Variants in LPP observed in about 807,000 individuals in gnomAD.
LPP encodes the protein lipoma-preferred partner.
In LPP, 38 loss-of-function variants were observed where a neutral mutation model predicts 60.4. The observed-to-expected ratio is 0.63, with a 90% confidence interval of 0.49 to 0.83. The LOEUF is 0.83. LPP is among the 40% of genes least tolerant of loss of function. LPP has a pLI of 0.00. For missense variants in LPP, 902 were observed against 783.6 expected, an observed-to-expected ratio of 1.15 and a Z score of -1.80; for synonymous variants, 328 against 290.8, an observed-to-expected ratio of 1.13 and a Z score of -1.30.
Position 188,352,660 on chromosome 3 carries a change from G to C in LPP, c.-10+10941G>C, listed in dbSNP as rs765588576. 2.6e-5 allele frequency among the ~76,000 whole-genome samples: 4 copies of C among 151,704 alleles called. No individual in the cohort carries two copies. Among genetic ancestry groups the C allele is most frequent in the Non-Finnish European group, 5.9e-5 (4 of 67,990 alleles). ...ACAGAGTGCATAGAGAGAAGGCTGG[G>C]AGAGGAGGTCAGGTCTTGTTTCCCT... On this transcript the variant is annotated intron_variant, in intron 3 of 11. Transcript: ENST00000617246. This position sits in a 1 kb window ranked among gnomAD's most constrained non-coding sequence, Gnocchi z 4.4.
In LPP at chr3:188,702,286, G is replaced by A. The variant is rs557823735; in HGVS notation, c.1114-5981G>A. The stretch of plus-strand genomic sequence containing the variant: ...TCTTAACAGTTTTTTAGATATACAT[G>A]TTCCTCCTGAAATGCCTTTAACTTT... On this transcript the variant is annotated intron_variant, in intron 7 of 11. Coordinates refer to ENST00000617246, the MANE Select transcript of LPP (RefSeq NM_001375462.1). Among the ~76,000 whole-genome samples, 41 of 150,584 alleles carry A rather than the reference G, an allele frequency of 2.7e-4. 1 individual carries two copies. In the South Asian group the frequency reaches 8.4e-3, roughly 31 times the overall value.
chr3:188,761,296 C>G (rs1298676000), intron 9 of LPP, among the ~76,000 whole-genome samples: 1 of 152,166 alleles, frequency 6.6e-6, no homozygotes. Context: ...TGGTATTTTC[C>G]TATAACTTGG....
chr3:188,242,270 T>C (rs541918948), intron 2 of LPP, among the ~76,000 whole-genome samples: 1 of 152,278 alleles, frequency 6.6e-6, no homozygotes, highest in African/African-American at 2.4e-5. Flanking sequence ...TTCTAACTTA[T>C]AGGTAAAAGC....
Position 188,811,062 on chromosome 3 carries a change from C to T in LPP, c.1410+50780C>T, listed in dbSNP as rs114875079. On this transcript the variant is annotated intron_variant, in intron 9 of 11. Coordinates refer to ENST00000617246, the MANE Select transcript of LPP (RefSeq NM_001375462.1). ...TTCATTAATTGTAGGAGAATACATACGACACACACACATGTATGAGTTATA... is the reference window on the plus strand; with the variant it reads ...TTCATTAATTGTAGGAGAATACATATGACACACACACATGTATGAGTTATA... Among the ~76,000 whole-genome samples, 890 of 151,828 alleles carry T rather than the reference C, an allele frequency of 5.9e-3. 3 individuals are homozygous for T. Among genetic ancestry groups the T allele is most frequent in the South Asian group, 0.018 (86 of 4,810 alleles).
chr3:188,240,735 G>C (rs1320257454), intron 2 of LPP, among the ~76,000 whole-genome samples: 1 of 152,228 alleles, frequency 6.6e-6, no homozygotes, highest in Middle Eastern at 3.4e-3. Flanking sequence ...CCTCAGACAT[G>C]GTTTTGGTGG....
intron 1 of LPP, among the ~76,000 whole-genome samples, chr3:188,206,958 C>T (rs1379369019): frequency 1.3e-5 from 2 of 152,088 alleles, no homozygotes; most frequent in Non-Finnish European, 1.5e-5. Flanking sequence ...TCATTGTTAT[C>T]GTTGTTATGA....
intron 8 of LPP, among the ~76,000 whole-genome samples, chr3:188,743,101 CT>C (rs1725010310): frequency 6.6e-6 from 1 of 152,130 alleles, no homozygotes; most frequent in African/African-American, 2.4e-5. Flanking sequence ...TTAAAGTTTG[CT>C]GAACCATACC....
chr3:188,285,776 A>G lies in LPP; in HGVS notation c.-66-55887A>G, dbSNP rs373130838. ...CTCCCACAACCCCCAACAGCTGTGC[A>G]TTAAGTATCACTTTGGTTTGAGGAT... On this transcript the variant is annotated intron_variant, in intron 2 of 11. Transcript: ENST00000617246. Among the ~76,000 whole-genome samples, 90 of 152,284 alleles carry G rather than the reference A, an allele frequency of 5.9e-4. No individual in the cohort carries two copies. In the South Asian group the frequency reaches 9.9e-3, roughly 17 times the overall value.
chr3:188,443,074 A>G (rs754510325), intron 4 of LPP, among the ~76,000 whole-genome samples: 2 of 152,212 alleles, frequency 1.3e-5, no homozygotes, highest in Admixed American at 6.5e-5. Flanking sequence ...TGAAGGGATC[A>G]TTGTGATCTT....
intron 5 of LPP, among the ~76,000 whole-genome samples, chr3:188,485,324 C>T (rs149701681): frequency 1.5e-3 from 222 of 152,222 alleles, no homozygotes; most frequent in African/African-American, 5.0e-3. Flanking sequence ...CTGTGATCAT[C>T]GGTAACTGCC....
intron 4 of LPP, among the ~76,000 whole-genome samples, chr3:188,441,739 G>A (rs541192794): frequency 1.2e-4 from 18 of 146,182 alleles, no homozygotes; most frequent in African/African-American, 4.5e-4. Context: ...TCCCACCTCA[G>A]CCTCCTGAGT....
intron 3 of LPP, among the ~76,000 whole-genome samples, chr3:188,366,199 C>A (rs76211316): frequency 2.0e-5 from 3 of 152,186 alleles, no homozygotes; most frequent in Admixed American, 1.3e-4. Context: ...TCCATCTTCT[C>A]GTAAATGACA....
intron 6 of LPP, among the ~76,000 whole-genome samples, chr3:188,607,418 A>AT (rs774045050): frequency 0.055 from 2,086 of 38,096 alleles, 78 homozygotes; most frequent in Non-Finnish European, 0.11. Flanking sequence ...TATATATATA[A>AT]TTTTTTTTTC....
At chr3:188,535,729 A>T (rs1185621843) in intron 6 of LPP, among the ~76,000 whole-genome samples, 1 of 152,190 alleles carries the variant, frequency 6.6e-6, no homozygotes, top group Non-Finnish European at 1.5e-5. Context: ...TGTTAAGAAG[A>T]TGATGTTATC....
At chr3:188,639,195 C>T (rs1266651025) in intron 7 of LPP, among the ~76,000 whole-genome samples, 1 of 152,082 alleles carries the variant, frequency 6.6e-6, no homozygotes, top group Admixed American at 6.5e-5. Flanking sequence ...AGAACAGAGT[C>T]CTCAGAAATA....
chr3:188,550,004 A>G (rs187802900), intron 6 of LPP, among the ~76,000 whole-genome samples: 167 of 152,256 alleles, frequency 1.1e-3, no homozygotes, highest in African/African-American at 3.9e-3. Context: ...CAATTTGCAC[A>G]CTTGTCATGA....
chr3:188,430,670 A>T (rs554119136), intron 4 of LPP, among the ~76,000 whole-genome samples: 1 of 152,316 alleles, frequency 6.6e-6, no homozygotes, highest in South Asian at 2.1e-4. Flanking sequence ...AGACATCTGG[A>T]GAAGCAGCAC....
intron 4 of LPP, among the ~76,000 whole-genome samples, chr3:188,414,724 G>A (rs910975411): frequency 4.6e-5 from 7 of 152,134 alleles, no homozygotes; most frequent in Non-Finnish European, 1.0e-4. Context: ...TTGCCCAGGA[G>A]TGCTGTAAAT....
chr3:188,241,763 T>G (rs1724959091), intron 2 of LPP, among the ~76,000 whole-genome samples: 1 of 152,200 alleles, frequency 6.6e-6, no homozygotes, highest in Admixed American at 6.5e-5. Context: ...TATACGTAAT[T>G]TCAGATGATA....
Sources: allele counts gnomAD v4.1 joint callset (sites outside exome capture counted in the v4.1 genomes callset), GRCh38; gene constraint gnomAD v4.1.1; non-coding constraint Gnocchi (gnomAD v3.1); transcripts MANE v1.5; gene names NCBI Gene and HGNC (gene_info 2026-07-23, HGNC 2026-07-21).